The following RANBP2 variants were observed in gnomAD, a reference collection of about 807,000 sequenced individuals.
RANBP2 encodes E3 SUMO-protein ligase RanBP2.
Under a neutral mutation model 303.6 loss-of-function variants are expected in RANBP2, and 57 were observed. That is an observed-to-expected ratio of 0.19 (90% CI 0.15 to 0.23). RANBP2 has a LOEUF of 0.23. Ranked by LOEUF, RANBP2 falls within the 10% of genes least tolerant of loss-of-function variation. RANBP2 has a pLI of 1.00. For missense variants in RANBP2, 3,138 were observed against 3,780.8 expected (o/e 0.83, Z 4.46); for synonymous variants, 1,167 against 1,301.5 (o/e 0.90, Z 2.23).
chr2:108,780,409 G>C (rs1357648689), intron 25 of RANBP2, among the ~76,000 whole-genome samples: 1 of 146,758 alleles, frequency 6.8e-6, no homozygotes, highest in Non-Finnish European at 1.5e-5. Flanking sequence ...CTGTCGTCCA[G>C]GCTGGAGTGC....
the RANBP2 span, among the ~76,000 whole-genome samples, chr2:109,651,033 A>C: frequency 1.3e-5 from 2 of 152,044 alleles, no homozygotes; most frequent in Admixed American, 1.3e-4. Context: ...CCCAGTTTCC[A>C]TTCTTGTAGT....
At chr2:109,288,668 AC>A in the RANBP2 span, among the ~76,000 whole-genome samples, 1 of 152,270 alleles carries the variant, frequency 6.6e-6, no homozygotes, top group Non-Finnish European at 1.5e-5. Flanking sequence ...TCACTCAATT[AC>A]GTTTTTTTCT....
chr2:109,676,322 T>G, the RANBP2 span, among the ~76,000 whole-genome samples: 3 of 152,234 alleles, frequency 2.0e-5, no homozygotes, highest in Non-Finnish European at 2.9e-5. Flanking sequence ...CCGCCTCCAC[T>G]GTCACAACGG....
At chr2:108,773,511 T>G (rs1473463497) in intron 23 of RANBP2, among the ~76,000 whole-genome samples, 1 of 152,134 alleles carries the variant, frequency 6.6e-6, no homozygotes, top group African/African-American at 2.4e-5. Context: ...TACAAAACAC[T>G]GATGAAATAA....
the RANBP2 span, among the ~76,000 whole-genome samples, chr2:109,221,759 G>A: frequency 1.3e-5 from 2 of 152,062 alleles, no homozygotes; most frequent in African/African-American, 2.4e-5. Context: ...CTATTGGTGG[G>A]AACATAAATA....
chr2:109,067,031 G>A, the RANBP2 span, among the ~76,000 whole-genome samples: 2 of 151,926 alleles, frequency 1.3e-5, no homozygotes, highest in African/African-American at 2.4e-5. Flanking sequence ...GGAATTTCTC[G>A]GCAGAACACA....
the RANBP2 span, among the ~76,000 whole-genome samples, chr2:109,498,654 G>A: frequency 6.6e-6 from 1 of 152,200 alleles, no homozygotes; most frequent in African/African-American, 2.4e-5. Flanking sequence ...TTCCCCCTAA[G>A]TAGTATCAAG....
chr2:108,775,452 C>T (rs1303714997), intron 23 of RANBP2, among the ~76,000 whole-genome samples: 1 of 152,118 alleles, frequency 6.6e-6, no homozygotes, highest in Non-Finnish European at 1.5e-5. Context: ...ACAGGAGTGG[C>T]AGAAAAACTC....
chr2:109,142,191 C>A, the RANBP2 span, among the ~76,000 whole-genome samples: 2 of 152,142 alleles, frequency 1.3e-5, no homozygotes, highest in Non-Finnish European at 2.9e-5. Context: ...GCCCCCTGGG[C>A]GGACTCTTGC....
the RANBP2 span, among the ~76,000 whole-genome samples, chr2:108,913,037 C>A: frequency 6.6e-6 from 1 of 151,680 alleles, no homozygotes; most frequent in Non-Finnish European, 1.5e-5. Flanking sequence ...CAAGCTCTGC[C>A]TCCCTGGTTG....
chr2:109,429,728 TC>T, the RANBP2 span, among the ~76,000 whole-genome samples: 1 of 152,040 alleles, frequency 6.6e-6, no homozygotes, highest in Non-Finnish European at 1.5e-5. Flanking sequence ...AGAAGCTCCA[TC>T]CCCTCGAGCT....
chr2:109,095,513 G>C, the RANBP2 span, among the ~76,000 whole-genome samples: 5 of 152,164 alleles, frequency 3.3e-5, no homozygotes, highest in Non-Finnish European at 7.3e-5. Flanking sequence ...AAGGTGAAAG[G>C]GGTTTGTGAA....
the RANBP2 span, among the ~76,000 whole-genome samples, chr2:109,627,924 G>C: frequency 1.2e-4 from 18 of 152,288 alleles, no homozygotes; most frequent in Admixed American, 3.9e-4. Context: ...TATCATTTGG[G>C]GGTGTCACTG....
the RANBP2 span, among the ~76,000 whole-genome samples, chr2:109,364,736 A>T: frequency 6.6e-6 from 1 of 152,146 alleles, no homozygotes; most frequent in Non-Finnish European, 1.5e-5. Context: ...GTGAAACAGG[A>T]TGGCTACAGT....
At chr2:108,797,179 A>T in the RANBP2 span, among the ~76,000 whole-genome samples, 1 of 152,182 alleles carries the variant, frequency 6.6e-6, no homozygotes, top group East Asian at 1.9e-4. Context: ...AGGAATGAGA[A>T]GGAAAATTGC....
chr2:108,724,656 G>A (rs935035991), intron 1 of RANBP2, among the ~76,000 whole-genome samples: 3 of 151,474 alleles, frequency 2.0e-5, no homozygotes, highest in Non-Finnish European at 4.4e-5. Context: ...TTTTAATGAC[G>A]TTTACCTGAA....
intron 1 of RANBP2, 43 bp downstream of exon 1, chr2:108,719,721 G>T: frequency 6.4e-7 from 1 of 1,559,458 alleles, no homozygotes; most frequent in South Asian, 1.2e-5. Context: ...ACCTGGCCGG[G>T]CGGCGGCCTC....
the RANBP2 span, among the ~76,000 whole-genome samples, chr2:108,962,823 C>A: frequency 1.3e-5 from 2 of 152,220 alleles, no homozygotes; most frequent in Admixed American, 6.5e-5. Flanking sequence ...AGAGACTGAG[C>A]AGAGTGATGC....
the RANBP2 span, among the ~76,000 whole-genome samples, chr2:109,302,810 A>C: frequency 1.3e-5 from 2 of 152,208 alleles, no homozygotes; most frequent in African/African-American, 4.8e-5. Flanking sequence ...ATGCTGGAGA[A>C]AAGTGGACAT....
Sources: allele counts gnomAD v4.1 joint callset (sites outside exome capture counted in the v4.1 genomes callset), GRCh38; gene constraint gnomAD v4.1.1; transcripts MANE v1.5; gene names NCBI Gene and HGNC (gene_info 2026-07-23, HGNC 2026-07-21).